SERPINB10: variants seen among roughly 807,000 people sequenced by gnomAD.
SERPINB10 encodes serpin family B member 10.
A neutral mutation model predicts 39.1 loss-of-function variants in SERPINB10; 35 were observed. The ratio of observed to expected loss-of-function variants is 0.90; its 90% CI spans 0.68 to 1.19. The LOEUF is 1.19. Ranked by LOEUF, SERPINB10 falls within the 50% of genes most tolerant of loss-of-function variation. The probability of loss-of-function intolerance (pLI) is 0.00; values close to 1 mark genes in which losing one functional copy is unlikely to be tolerated. For synonymous variants in SERPINB10, 190 were observed against 158.1 expected, an observed-to-expected ratio of 1.20 and a Z score of -1.52; for missense variants, 546 against 460.5, an observed-to-expected ratio of 1.19 and a Z score of -1.70.
chr18:63,928,174 C>T (rs2050193756), intron 5 of SERPINB10, among the ~76,000 whole-genome samples: 1 of 151,772 alleles, frequency 6.6e-6, no homozygotes, highest in African/African-American at 2.4e-5. Flanking sequence ...ATAATTTTAA[C>T]AGCTTTCCCA....
At chr18:63,934,256 T>C (rs780289370) in intron 7 of SERPINB10, among the ~76,000 whole-genome samples, 1 of 152,214 alleles carries the variant, frequency 6.6e-6, no homozygotes, top group Non-Finnish European at 1.5e-5. Flanking sequence ...CACATATTTA[T>C]CATTTTAAAA....
chr18:63,918,832 C>G (rs915845485), intron 4 of SERPINB10, among the ~76,000 whole-genome samples: 10 of 151,854 alleles, frequency 6.6e-5, no homozygotes, highest in Non-Finnish European at 1.3e-4. Context: ...CTCATGGACT[C>G]TCGTTTGATG....
intron 1 of SERPINB10, among the ~76,000 whole-genome samples, chr18:63,913,261 G>C (rs575156570): frequency 6.3e-4 from 95 of 151,576 alleles, no homozygotes; most frequent in South Asian, 2.9e-3. Context: ...ATGGATTTTT[G>C]GGTCTCGATT....
Position 63,934,819 on chromosome 18 carries a change from C to T in SERPINB10, c.790-19C>T. ...CTTTGGAATTACTGATTCTTTCTTT[C>T]TTGGTTCCAAATGGGCAGCTGGAAA... On this transcript the variant is annotated intron_variant, in intron 7 of 7. Coordinates refer to ENST00000238508, the MANE Select transcript of SERPINB10 (RefSeq NM_005024.3). 6.4e-7 allele frequency: 1 copy of T among 1,572,704 alleles called. No homozygotes were observed. Among genetic ancestry groups the T allele is most frequent in the Non-Finnish European group, 8.6e-7 (1 of 1,160,784 alleles).
chr18:63,915,636 G>GTATT lies in SERPINB10; in HGVS notation c.128_131dup (p.Gly45PhefsTer18). The stretch of plus-strand genomic sequence containing the variant: ...GCATCTCAACTTCCTTGACCATAGT[G>GTATT]TATTTGGGCGCCAAAGGTACCACTG... On this transcript the variant is annotated frameshift_variant, in exon 2 of 8. Coordinates refer to ENST00000238508, the MANE Select transcript of SERPINB10 (RefSeq NM_005024.3). LOFTEE classifies it high-confidence loss of function. 1 of 1,612,156 alleles carries GTATT rather than the reference G, an allele frequency of 6.2e-7. No individual in the cohort carries two copies. The highest frequency in any genetic ancestry group is 8.5e-7 in the Non-Finnish European group (1 of 1,178,882).
At position 63,918,131 on chromosome 18, in the gene SERPINB10, A is replaced by C. The variant is rs767480524; in HGVS notation, c.372+29A>C. On this transcript the variant is annotated intron_variant, in intron 4 of 7. Transcript: ENST00000238508. ...AGTGCAAATGTCTTATTTTAAGCTA[A>C]TGGAAAAGAAAGAGCAATGTGAGAC... 6.2e-6 allele frequency: 10 copies of C among 1,609,188 alleles called. No homozygotes were observed. The Admixed American group carries it at 1.2e-4, about 19-fold the overall frequency.
chr18:63,924,854 G>A (rs1436391986), intron 5 of SERPINB10, among the ~76,000 whole-genome samples: 1 of 151,848 alleles, frequency 6.6e-6, no homozygotes, highest in Non-Finnish European at 1.5e-5. Flanking sequence ...CACTGTTTCA[G>A]ATACATTCTT....
At chr18:63,922,993 A>C (rs2144730023) in intron 5 of SERPINB10, among the ~76,000 whole-genome samples, 1 of 152,084 alleles carries the variant, frequency 6.6e-6, no homozygotes, top group South Asian at 2.1e-4. Flanking sequence ...ACTTTATGGA[A>C]GAAAGGGCAG....
intron 1 of SERPINB10, among the ~76,000 whole-genome samples, chr18:63,909,771 A>G (rs1751790630): frequency 6.6e-6 from 1 of 152,096 alleles, no homozygotes; most frequent in Admixed American, 6.6e-5. Flanking sequence ...ACAAAGCTTG[A>G]TATATACTGT....
At chr18:63,912,591 T>C (rs1215309339) in intron 1 of SERPINB10, among the ~76,000 whole-genome samples, 2 of 151,984 alleles carry the variant, frequency 1.3e-5, no homozygotes, top group Admixed American at 1.3e-4. Context: ...TACTGACTTC[T>C]GTATGTTGAA....
intron 4 of SERPINB10, 75 bp downstream of exon 4, chr18:63,918,177 T>A: frequency 6.7e-7 from 1 of 1,491,108 alleles, no homozygotes; most frequent in Non-Finnish European, 9.3e-7. Flanking sequence ...ACTCTGTATA[T>A]TTCTTTAGGG....
At chr18:63,931,501 G>A (rs1231642146) in intron 6 of SERPINB10, among the ~76,000 whole-genome samples, 1 of 152,164 alleles carries the variant, frequency 6.6e-6, no homozygotes, top group African/African-American at 2.4e-5. Flanking sequence ...GTGATGGACA[G>A]TTCGACATAG....
chr18:63,916,733 G>A (rs2050105703), intron 2 of SERPINB10, among the ~76,000 whole-genome samples: 1 of 152,030 alleles, frequency 6.6e-6, no homozygotes, highest in Non-Finnish European at 1.5e-5. Context: ...TGTTTCGGAT[G>A]TTAACACTTT....
At chr18:63,917,284 G>A (rs978243615) in intron 2 of SERPINB10, among the ~76,000 whole-genome samples, 172 bp from the exon 3 acceptor site, 1 of 151,966 alleles carries the variant, frequency 6.6e-6, no homozygotes, top group East Asian at 1.9e-4. Flanking sequence ...TTATTTAAGA[G>A]CAGTTCTTGA....
At position 63,917,437 on chromosome 18, in the gene SERPINB10, A is replaced by AT; in HGVS notation, c.169-14dup. On this transcript the variant is annotated intron_variant, in intron 2 of 7. Coordinates refer to ENST00000238508, the MANE Select transcript of SERPINB10 (RefSeq NM_005024.3). ...ACTTCTCTGCAGTCTATTCATTTGT[A>AT]TTTTTATTGAAATTACAGGTGCTTC... 3 of 1,474,436 alleles carry AT rather than the reference A, an allele frequency of 2.0e-6. No homozygotes were observed. Among genetic ancestry groups the AT allele is most frequent in the Non-Finnish European group, 2.8e-6 (3 of 1,078,926 alleles). 91.3% of individuals were successfully genotyped at this position (1,474,436 alleles called of 1,614,324 possible).
chr18:63,914,382 CAG>C (rs1470044770), intron 1 of SERPINB10, among the ~76,000 whole-genome samples: 1 of 151,978 alleles, frequency 6.6e-6, no homozygotes, highest in Non-Finnish European at 1.5e-5. Flanking sequence ...ACTTAAGTAA[CAG>C]GTATCATTCT....
intron 6 of SERPINB10, among the ~76,000 whole-genome samples, chr18:63,931,246 T>G (rs2050219966): frequency 1.3e-5 from 2 of 152,214 alleles, no homozygotes; most frequent in Admixed American, 6.5e-5. Context: ...ATGCTGTCTC[T>G]TTCTCTTTTT....
intron 7 of SERPINB10, among the ~76,000 whole-genome samples, chr18:63,934,155 A>G (rs17072205): frequency 0.023 from 3,529 of 152,306 alleles, 165 homozygotes; most frequent in East Asian, 0.2. Context: ...ATGTGCATTG[A>G]AACAAACATG....
chr18:63,918,068 C>A lies in SERPINB10; in HGVS notation c.338C>A (p.Ala113Glu), dbSNP rs150764677. ...GACTACTTACTTAAAACAGCCAATGCGATATATGGAGAGAAAACGTATGCA... is the reference window on the plus strand; with the variant it reads ...GACTACTTACTTAAAACAGCCAATGAGATATATGGAGAGAAAACGTATGCA... ...NDDYLLKTAN[A>E]IYGEKTYAFH... The change falls in exon 4 of 8, where the codon GCG (alanine) becomes GAG (glutamate). Residue 113 changes from alanine to glutamate, a missense_variant. Transcript: ENST00000238508. 1.0e-3 allele frequency: 1,690 copies of A among 1,612,126 alleles called. 13 individuals carry two copies. The highest frequency in any genetic ancestry group is 0.01 in the South Asian group (920 of 91,014).
Sources: allele counts gnomAD v4.1 joint callset (sites outside exome capture counted in the v4.1 genomes callset), GRCh38; gene constraint gnomAD v4.1.1; transcripts MANE v1.5; gene names NCBI Gene and HGNC (gene_info 2026-07-23, HGNC 2026-07-21).